The following SGMS1 variants were observed in gnomAD, a reference collection of about 807,000 sequenced individuals.
SGMS1 encodes phosphatidylcholine:ceramide cholinephosphotransferase 1.
SGMS1 carries 13 observed loss-of-function variants against 46.2 expected under a neutral mutation model. The ratio of observed to expected loss-of-function variants is 0.28; its 90% CI spans 0.18 to 0.45. The LOEUF (loss-of-function observed/expected upper bound fraction) is 0.45, where lower values mean the gene tolerates loss of function less well. SGMS1 is among the 20% of genes least tolerant of loss of function. The pLI is 1.00. For synonymous variants in SGMS1, 203 were observed against 187.8 expected (o/e 1.08, Z -0.66); for missense variants, 324 against 519.9 (o/e 0.62, Z 3.66).
chr10:50,373,591 T>A (rs1848476035), intron 6 of SGMS1, among the ~76,000 whole-genome samples: 1 of 152,188 alleles, frequency 6.6e-6, no homozygotes, highest in Admixed American at 6.5e-5. Context: ...ATGTCACAGG[T>A]TACTTCAGTA....
chr10:50,386,665 G>A (rs1848687935), intron 6 of SGMS1, among the ~76,000 whole-genome samples: 1 of 152,118 alleles, frequency 6.6e-6, no homozygotes, highest in African/African-American at 2.4e-5. Flanking sequence ...GTTGCTATGA[G>A]GATTACTGAA....
chr10:50,465,088 TTA>T, intron 4 of SGMS1, among the ~76,000 whole-genome samples: 1 of 152,174 alleles, frequency 6.6e-6, no homozygotes, highest in East Asian at 1.9e-4. Flanking sequence ...ATAGGTAGGC[TTA>T]CACTCCACAA....
chr10:50,607,660 A>T (rs1588891181), intron 1 of SGMS1, among the ~76,000 whole-genome samples: 1 of 152,330 alleles, frequency 6.6e-6, no homozygotes, highest in Admixed American at 6.5e-5. Context: ...ATATCAGGGA[A>T]AAATGTGTAG....
At chr10:50,497,561 G>A (rs966809107) in intron 3 of SGMS1, among the ~76,000 whole-genome samples, 1 of 152,178 alleles carries the variant, frequency 6.6e-6, no homozygotes, top group Non-Finnish European at 1.5e-5. Context: ...GGGAGGCCGA[G>A]GCAGATGGAT....
At chr10:50,364,622 G>A (rs1387438128) in intron 6 of SGMS1, among the ~76,000 whole-genome samples, 1 of 152,086 alleles carries the variant, frequency 6.6e-6, no homozygotes, top group Non-Finnish European at 1.5e-5. Flanking sequence ...ACCTTGTAAT[G>A]GGCAATAGTG....
chr10:50,480,635 T>C (rs1164331208), intron 3 of SGMS1, among the ~76,000 whole-genome samples: 1 of 151,678 alleles, frequency 6.6e-6, no homozygotes. Flanking sequence ...CAACCGTGGA[T>C]CTGGAGATAC....
intron 2 of SGMS1, among the ~76,000 whole-genome samples, chr10:50,568,018 G>A (rs778622641): frequency 1.3e-5 from 2 of 152,006 alleles, no homozygotes; most frequent in African/African-American, 2.4e-5. Flanking sequence ...AGGGGGTTGG[G>A]GACATTTGTC....
At chr10:50,327,383 G>A in intron 7 of SGMS1, 61 bp from the exon 8 acceptor site, 2 of 989,050 alleles carry the variant, frequency 2.0e-6, no homozygotes, top group African/African-American at 1.6e-5. Flanking sequence ...TTCATTTACT[G>A]TAATTTTTCA....
At chr10:50,496,582 T>C in intron 3 of SGMS1, among the ~76,000 whole-genome samples, 1 of 152,288 alleles carries the variant, frequency 6.6e-6, no homozygotes, top group East Asian at 1.9e-4. Context: ...CCAGAAGCTG[T>C]TATATATTCC....
At chr10:50,358,927 G>T (rs1848201346) in intron 6 of SGMS1, among the ~76,000 whole-genome samples, 1 of 152,152 alleles carries the variant, frequency 6.6e-6, no homozygotes, top group African/African-American at 2.4e-5. Flanking sequence ...CATAGTTTCA[G>T]CTGAAGGACC....
chr10:50,443,976 G>T (rs896381656), intron 5 of SGMS1, among the ~76,000 whole-genome samples: 3 of 151,982 alleles, frequency 2.0e-5, no homozygotes, highest in Non-Finnish European at 2.9e-5. Flanking sequence ...ATTGTGATCT[G>T]CAGAGTAACT....
At chr10:50,433,295 C>A (rs532100363) in intron 6 of SGMS1, among the ~76,000 whole-genome samples, 181 bp downstream of exon 6, 1 of 152,138 alleles carries the variant, frequency 6.6e-6, no homozygotes, top group Non-Finnish European at 1.5e-5. Context: ...GAAAGAAGTA[C>A]GCAAAATAAG....
chr10:50,401,477 A>C (rs1188057124), intron 6 of SGMS1, among the ~76,000 whole-genome samples: 3 of 152,290 alleles, frequency 2.0e-5, no homozygotes, highest in Middle Eastern at 6.8e-3. Flanking sequence ...CTGGGAACCA[A>C]ACACAGAAGC....
At chr10:50,449,640 C>T (rs1412140447) in intron 5 of SGMS1, among the ~76,000 whole-genome samples, 6 of 150,186 alleles carry the variant, frequency 4.0e-5, no homozygotes, top group East Asian at 2.0e-4. Flanking sequence ...AGTGTGTGCA[C>T]GTGTGTGTGT....
chr10:50,355,201 C>G (rs1295272603), intron 6 of SGMS1, among the ~76,000 whole-genome samples: 1 of 152,202 alleles, frequency 6.6e-6, no homozygotes, highest in Non-Finnish European at 1.5e-5. Context: ...CCCAAATGTC[C>G]AACAATGACA....
At chr10:50,492,551 C>A (rs1837575627) in intron 3 of SGMS1, among the ~76,000 whole-genome samples, 1 of 152,148 alleles carries the variant, frequency 6.6e-6, no homozygotes. Context: ...CTCTCATTCA[C>A]AATAGCCACA....
intron 8 of SGMS1, among the ~76,000 whole-genome samples, chr10:50,318,978 T>A (rs899582625): frequency 1.3e-5 from 2 of 152,150 alleles, no homozygotes; most frequent in African/African-American, 4.8e-5. Flanking sequence ...GGAAGACTTA[T>A]CAAAGGCTTG....
chr10:50,463,594 A>T (rs1837293816), intron 4 of SGMS1, among the ~76,000 whole-genome samples: 1 of 152,242 alleles, frequency 6.6e-6, no homozygotes, highest in Non-Finnish European at 1.5e-5. Flanking sequence ...CAAATCGTAC[A>T]TCCACTATGG....
At chr10:50,340,315 TA>T (rs1847796334) in intron 7 of SGMS1, 1 of 152,238 alleles carries the variant, frequency 6.6e-6, no homozygotes, top group Non-Finnish European at 1.5e-5. Flanking sequence ...GAAAAATCCT[TA>T]CATCTTCAGC....
Sources: allele counts gnomAD v4.1 joint callset (sites outside exome capture counted in the v4.1 genomes callset), GRCh38; gene constraint gnomAD v4.1.1; transcripts MANE v1.5; gene names NCBI Gene and HGNC (gene_info 2026-07-23, HGNC 2026-07-21).